The following FANCI variants were observed in gnomAD, a reference collection of about 807,000 sequenced individuals.
FANCI encodes Fanconi anemia group I protein.
FANCI carries 156 observed loss-of-function variants against 176.1 expected under a neutral mutation model. The observed-to-expected ratio is 0.89, with a 90% confidence interval of 0.78 to 1.01. The LOEUF is 1.01. Ranked by LOEUF, FANCI falls within the 50% of genes least tolerant of loss-of-function variation. The probability of loss-of-function intolerance (pLI) is 0.00; values close to 1 mark genes in which losing one functional copy is unlikely to be tolerated. For missense variants in FANCI, 1,678 were observed against 1,534.1 expected (o/e 1.09, Z -1.57); for synonymous variants, 613 against 541.7 (o/e 1.13, Z -1.83).
At chr15:89,244,312 AC>A (rs1230159662) in intron 1 of FANCI, 3 of 152,064 alleles carry the variant, frequency 2.0e-5, no homozygotes, top group African/African-American at 7.3e-5. Flanking sequence ...ATTTCCCTTA[AC>A]CTTGCTTTGC....
chr15:89,260,655 C>T, intron 3 of FANCI, 58 bp from the exon 4 acceptor site: 1 of 1,604,594 alleles, frequency 6.2e-7, no homozygotes, highest in Non-Finnish European at 8.5e-7. Context: ...TTCGTTTTTC[C>T]TATTTACCTG....
intron 11 of FANCI, 41 bp downstream of exon 11, chr15:89,273,510 GTAAAA>G (rs1567151891): frequency 2.9e-5 from 19 of 660,438 alleles, no homozygotes; most frequent in Middle Eastern, 6.6e-4. Context: ...TCTGTAGTTG[GTAAAA>G]AAAAAAAAAA....
At chr15:89,310,244 C>A (rs934344713) in intron 34 of FANCI, among the ~76,000 whole-genome samples, 4 of 152,186 alleles carry the variant, frequency 2.6e-5, no homozygotes, top group Admixed American at 2.0e-4. Flanking sequence ...AGATAACTTA[C>A]AAATAAACGA....
chr15:89,305,375 T>C lies in FANCI; in HGVS notation c.3221T>C (p.Ile1074Thr). The change falls in exon 30 of 38, where the codon ATA (isoleucine) becomes ACA (threonine). Residue 1074 changes from isoleucine to threonine, a missense_variant. Coordinates refer to ENST00000310775, the MANE Select transcript of FANCI (RefSeq NM_001113378.2). ...GTGGAGAAAACAAACCACTTTGCAA[T>C]AGTGAATTTGAGAACGGCTGCCCCC... ...VEVEKTNHFA[I>T]VNLRTAAPTV... 3.1e-6 allele frequency: 5 copies of C among 1,614,034 alleles called. No homozygotes were observed. The highest frequency in any genetic ancestry group is 1.1e-5 in the South Asian group (1 of 91,080).
At chr15:89,279,648 A>C (rs1020486816) in intron 14 of FANCI, among the ~76,000 whole-genome samples, 7 of 152,166 alleles carry the variant, frequency 4.6e-5, no homozygotes, top group African/African-American at 1.7e-4. Flanking sequence ...TACCTCAAAT[A>C]TAATACAGTT....
At chr15:89,250,284 G>A (rs2052182243) in intron 2 of FANCI, among the ~76,000 whole-genome samples, 1 of 151,986 alleles carries the variant, frequency 6.6e-6, no homozygotes, top group Non-Finnish European at 1.5e-5. Flanking sequence ...GCAAAGACTT[G>A]GAACCAACCC....
At chr15:89,279,291 G>T (rs950424648) in intron 14 of FANCI, among the ~76,000 whole-genome samples, 4 of 152,168 alleles carry the variant, frequency 2.6e-5, no homozygotes, top group African/African-American at 9.6e-5. Context: ...CTCAGTAGCT[G>T]GGATTACAGG....
chr15:89,295,874 A>G (rs1358701977), intron 24 of FANCI, among the ~76,000 whole-genome samples: 5 of 151,976 alleles, frequency 3.3e-5, no homozygotes, highest in Non-Finnish European at 5.9e-5. Context: ...CCGAGGTTCA[A>G]GCAGTCCTTC....
chr15:89,253,543 A>ATAAATAACT (rs1555441211), intron 2 of FANCI, among the ~76,000 whole-genome samples: 10,452 of 143,434 alleles, frequency 0.073, 1,142 homozygotes, highest in African/African-American at 0.23. Flanking sequence ...AAATAAATAA[A>ATAAATAACT]TAAGTATATG....
At chr15:89,295,366 GAAAAAA>G (rs373941070) in intron 24 of FANCI, among the ~76,000 whole-genome samples, 5 of 96,304 alleles carry the variant, frequency 5.2e-5, no homozygotes, top group African/African-American at 2.2e-4. Flanking sequence ...ACTCTCAAAA[GAAAAAA>G]AAAAAAAAAA....
chr15:89,257,856 C>G (rs2052562090), intron 2 of FANCI, among the ~76,000 whole-genome samples: 1 of 152,146 alleles, frequency 6.6e-6, no homozygotes, highest in Non-Finnish European at 1.5e-5. Context: ...TCTTAAACCC[C>G]CATAACTCAT....
At position 89,264,552 on chromosome 15, in the gene FANCI, A is replaced by G. The variant is rs895076514; in HGVS notation, c.700A>G (p.Ile234Val). ...GSRKSVLEGI[I>V]AFFSALDKQH... ...CAGAAAGAGTGTTTTGGAAGGAATC[A>G]TAGCCTTCTTCAGTGCACTAGATAA... Residue 234 changes from isoleucine to valine, a missense_variant, in exon 9 of 38, where the codon ATA (isoleucine) becomes GTA (valine). Coordinates refer to ENST00000310775, the MANE Select transcript of FANCI (RefSeq NM_001113378.2). 1 of 1,613,822 alleles carries G rather than the reference A, an allele frequency of 6.2e-7. No individual in the cohort carries two copies. The highest frequency in any genetic ancestry group is 8.5e-7 in the Non-Finnish European group (1 of 1,179,906).
chr15:89,261,957 T>C, intron 6 of FANCI, 79 bp downstream of exon 6: 1 of 1,333,406 alleles, frequency 7.5e-7, no homozygotes, highest in African/African-American at 1.8e-5. Flanking sequence ...GGAATTTATG[T>C]CTGGAGGTTT....
chr15:89,247,672 G>T lies in FANCI; in HGVS notation c.25G>T (p.Ala9Ser). 3 of 1,614,000 alleles carry T rather than the reference G, an allele frequency of 1.9e-6. No homozygotes were observed. In the African/African-American group the frequency reaches 4.0e-5, roughly 22 times the overall value. Residue 9 changes from alanine (A) to serine (S), a missense_variant, in exon 2 of 38, where the codon GCA becomes TCA. Coordinates refer to ENST00000310775, the MANE Select transcript of FANCI (RefSeq NM_001113378.2). ...AATGGACCAGAAGATTTTATCTCTAGCAGCAGAAAAAACAGCAGACAAACT... is the reference window on the plus strand; with the variant it reads ...AATGGACCAGAAGATTTTATCTCTATCAGCAGAAAAAACAGCAGACAAACT... MDQKILSL[A>S]AEKTADKLQE... is the part of the protein sequence containing the mutation.
chr15:89,310,399 G>A (rs886786136), intron 34 of FANCI, among the ~76,000 whole-genome samples: 1 of 152,120 alleles, frequency 6.6e-6, no homozygotes, highest in Admixed American at 6.6e-5. Flanking sequence ...TTTGATTTTC[G>A]TGTTTCTGAC....
At chr15:89,305,827 T>C (rs2054696926) in intron 31 of FANCI, 129 bp downstream of exon 31, 1 of 1,146,602 alleles carries the variant, frequency 8.7e-7, no homozygotes, top group Non-Finnish European at 1.3e-6. Context: ...TTTTTTCCTA[T>C]GTGATGAAAG....
At chr15:89,316,193 G>A (rs1457372163) in intron 37 of FANCI, 1 of 604,586 alleles carries the variant, frequency 1.7e-6, no homozygotes, top group Non-Finnish European at 3.0e-6. Context: ...CTAAAAGGAG[G>A]TGCCACTGTC....
In FANCI at chr15:89,316,426, CAA is replaced by C. The variant is rs2152049557; in HGVS notation, c.3956_3957del (p.Lys1319ArgfsTer18). 1 of 1,611,792 alleles carries C rather than the reference CAA, an allele frequency of 6.2e-7. No individual in the cohort carries two copies. Among genetic ancestry groups the C allele is most frequent in the Non-Finnish European group, 8.5e-7 (1 of 1,178,658 alleles). On this transcript the variant is annotated frameshift_variant, in exon 38 of 38. Transcript: ENST00000310775. LOFTEE classifies it high-confidence loss of function. ...GTASEHGGQN[K>X]EPAKKKRKK Reference sequence around the variant, plus strand: ...CTGCATCAGAGCATGGGGGACAGAACAAAGAACCAGCCAAGAAGAAAAGGAAA... The same window carrying C: ...CTGCATCAGAGCATGGGGGACAGAACAGAACCAGCCAAGAAGAAAAGGAAA...
At chr15:89,302,423 G>A (rs2054556890) in intron 27 of FANCI, among the ~76,000 whole-genome samples, 1 of 151,962 alleles carries the variant, frequency 6.6e-6, no homozygotes, top group Non-Finnish European at 1.5e-5. Context: ...TGGGGCAGGG[G>A]GAAATTTGAG....
Sources: allele counts gnomAD v4.1 joint callset (sites outside exome capture counted in the v4.1 genomes callset), GRCh38; gene constraint gnomAD v4.1.1; transcripts MANE v1.5; gene names NCBI Gene and HGNC (gene_info 2026-07-23, HGNC 2026-07-21).